TRHDE: variants seen among roughly 807,000 people sequenced by gnomAD.
TRHDE encodes the protein thyrotropin-releasing hormone-degrading ectoenzyme.
A neutral mutation model predicts 125.7 loss-of-function variants in TRHDE; 72 were observed. That is an observed-to-expected ratio of 0.57 (90% confidence interval 0.47 to 0.70). The LOEUF (loss-of-function observed/expected upper bound fraction) is 0.70, where lower values mean the gene tolerates loss of function less well. Ranked by LOEUF, TRHDE falls within the 30% of genes least tolerant of loss-of-function variation. The pLI is 0.00. For missense variants in TRHDE, 1,110 were observed against 1,327.1 expected (o/e 0.84, Z 2.54); for synonymous variants, 509 against 509.1 (o/e 1.00, Z 0.00).
intron 12 of TRHDE, among the ~76,000 whole-genome samples, chr12:72,585,849 C>T (rs1871417205): frequency 6.6e-6 from 1 of 152,096 alleles, no homozygotes; most frequent in Admixed American, 6.5e-5. Flanking sequence ...AATAAAAATC[C>T]TCTTATTCTT....
intron 3 of TRHDE, among the ~76,000 whole-genome samples, chr12:72,440,324 C>T (rs1419306007): frequency 1.3e-5 from 2 of 151,774 alleles, no homozygotes; most frequent in Non-Finnish European, 2.9e-5. Context: ...TTTCTTTAAA[C>T]ATTTTACATA....
intron 17 of TRHDE, among the ~76,000 whole-genome samples, chr12:72,655,894 T>C (rs1874690903): frequency 1.3e-5 from 2 of 152,166 alleles, no homozygotes; most frequent in African/African-American, 4.8e-5. Context: ...AATGTCAGAA[T>C]TACAACAAAT....
rs923989091 is a variant in TRHDE at position 72,491,378 on chromosome 12, T to A, written c.1585-8120T>A. On this transcript the variant is annotated intron_variant, in intron 5 of 18. Transcript: ENST00000261180. ...TGTTCCACAAGACCCAGGATTATCA[T>A]AATTAATGAAAATGTGAGTGACTGA... Among the ~76,000 whole-genome samples the A allele has an allele frequency of 6.1e-4, 93 of 152,032 alleles. 1 individual carries two copies. Among genetic ancestry groups the A allele is most frequent in the African/African-American group, 2.1e-3 (89 of 41,542 alleles).
chr12:72,153,194 A>G (rs1026444453), intron 2 of TRHDE, among the ~76,000 whole-genome samples: 7 of 152,212 alleles, frequency 4.6e-5, no homozygotes, highest in Admixed American at 2.6e-4. Context: ...AGAGGTGTTT[A>G]TAGTATTCTC....
intron 5 of TRHDE, among the ~76,000 whole-genome samples, chr12:72,494,120 A>G (rs971761526): frequency 1.3e-5 from 2 of 151,982 alleles, no homozygotes; most frequent in African/African-American, 2.4e-5. Flanking sequence ...AATTTTTACA[A>G]CCACATATGT....
chr12:72,409,488 T>C lies in TRHDE; in HGVS notation c.1315+31367T>C, dbSNP rs550349083. Among the ~76,000 whole-genome samples the C allele has an allele frequency of 2.6e-5, 4 of 152,268 alleles. No homozygotes were observed. The East Asian group carries it at 5.8e-4, about 22-fold the overall frequency. On this transcript the variant is annotated intron_variant, in intron 3 of 18. Coordinates refer to ENST00000261180, the MANE Select transcript of TRHDE (RefSeq NM_013381.3). The stretch of plus-strand genomic sequence containing the variant: ...TTGACCATATCACTTTATCAGACAA[T>C]GCAATGTATGTGGAAGTGACAAGCA...
chr12:72,154,485 A>C (rs1218912633), intron 2 of TRHDE, among the ~76,000 whole-genome samples: 1 of 152,196 alleles, frequency 6.6e-6, no homozygotes, highest in Non-Finnish European at 1.5e-5. Context: ...GTTTCTTCCT[A>C]GCCTCGATGG....
chr12:72,273,631 C>T lies in TRHDE; in HGVS notation c.914+74C>T. ...CGAACCTCTGGGCGGCCTGCGACCCCGGGGACCCAGCTGGCTTCCAATACC... is the reference window on the plus strand; with the variant it reads ...CGAACCTCTGGGCGGCCTGCGACCCTGGGGACCCAGCTGGCTTCCAATACC... On this transcript the variant is annotated intron_variant, in intron 1 of 18. Coordinates refer to ENST00000261180, the MANE Select transcript of TRHDE (RefSeq NM_013381.3). The surrounding 1 kb of genome is among the most constrained non-coding windows in gnomAD (Gnocchi z 5.3). The T allele has an allele frequency of 7.0e-7, 1 of 1,423,920 alleles. No individual in the cohort carries two copies. The highest frequency in any genetic ancestry group is 9.5e-7 in the Non-Finnish European group (1 of 1,058,090). 88.2% of individuals were successfully genotyped at this position (1,423,920 alleles called of 1,614,324 possible).
intron 6 of TRHDE, among the ~76,000 whole-genome samples, chr12:72,509,654 C>T (rs1268201544): frequency 6.6e-6 from 1 of 152,174 alleles, no homozygotes; most frequent in African/African-American, 2.4e-5. Flanking sequence ...CTTTTTCCCA[C>T]TCATTTTTCT....
intron 2 of TRHDE, among the ~76,000 whole-genome samples, chr12:72,107,070 C>T (rs1875205114): frequency 6.6e-6 from 1 of 152,092 alleles, no homozygotes; most frequent in Non-Finnish European, 1.5e-5. Context: ...ATTCCCTACT[C>T]ATATTCTAAG....
chr12:72,287,712 T>G (rs1387950655), intron 2 of TRHDE, among the ~76,000 whole-genome samples: 1 of 152,084 alleles, frequency 6.6e-6, no homozygotes, highest in African/African-American at 2.4e-5. Flanking sequence ...AAGGATGAGA[T>G]AGAGGGAGCA....
chr12:72,119,891 T>C lies in TRHDE; in HGVS notation n.279+14139T>C, dbSNP rs532035526. Among the ~76,000 whole-genome samples, 210 of 152,310 alleles carry C rather than the reference T, an allele frequency of 1.4e-3. 1 individual carries two copies. Among genetic ancestry groups the C allele is most frequent in the African/African-American group, 4.6e-3 (192 of 41,572 alleles). ...TGTCATGGAATATGTTTTTCCATCC[T>C]TTTATTTTCAGTTTATGTGTGTCTT... On this transcript the variant is annotated intron_variant and non_coding_transcript_variant, in intron 2 of 4. Coordinates refer to the TRHDE transcript ENST00000548156.
chr12:72,232,440 T>A (rs1228245756), intron 2 of TRHDE, among the ~76,000 whole-genome samples: 1 of 151,940 alleles, frequency 6.6e-6, no homozygotes, highest in Non-Finnish European at 1.5e-5. Context: ...GTTTGGTGAG[T>A]TTGTGTGTAA....
intron 3 of TRHDE, among the ~76,000 whole-genome samples, chr12:72,408,758 C>G (rs1405842369): frequency 6.6e-6 from 1 of 152,082 alleles, no homozygotes. Flanking sequence ...AAAGTAAAAA[C>G]TCAATAGATG....
At chr12:72,521,343 C>T (rs562302118) in intron 6 of TRHDE, among the ~76,000 whole-genome samples, 3 of 152,240 alleles carry the variant, frequency 2.0e-5, no homozygotes, top group Admixed American at 1.3e-4. Context: ...CCTGGCTTAC[C>T]CTCTGAATTT....
In TRHDE at chr12:72,554,050, G is replaced by A. The variant is rs368729422; in HGVS notation, c.1789-8115G>A. Among the ~76,000 whole-genome samples, 9 of 151,912 alleles carry A rather than the reference G, an allele frequency of 5.9e-5. 1 individual carries two copies. The highest frequency in any genetic ancestry group is 3.9e-4 in the East Asian group (2 of 5,134). Reference sequence around the variant, plus strand: ...TTTAGTAGAGATGGGGTTTCACCACGTTGGCCAGGCTGGTCTCGAACTCCT... The same window carrying A: ...TTTAGTAGAGATGGGGTTTCACCACATTGGCCAGGCTGGTCTCGAACTCCT... On this transcript the variant is annotated intron_variant, in intron 7 of 18. Transcript: ENST00000261180.
At chr12:72,453,524 G>A (rs1268722166) in intron 3 of TRHDE, among the ~76,000 whole-genome samples, 2 of 152,180 alleles carry the variant, frequency 1.3e-5, no homozygotes, top group African/African-American at 4.8e-5. Context: ...GAAAAGAAAA[G>A]CCCATTTTCA....
chr12:72,400,234 C>T (rs1225558211), intron 3 of TRHDE, among the ~76,000 whole-genome samples: 1 of 152,086 alleles, frequency 6.6e-6, no homozygotes, highest in Non-Finnish European at 1.5e-5. Flanking sequence ...TAGGACACTA[C>T]AGCAGAAGGT....
At chr12:72,323,830 G>GATAT (rs1869213512) in intron 2 of TRHDE, among the ~76,000 whole-genome samples, 1 of 151,858 alleles carries the variant, frequency 6.6e-6, no homozygotes, top group South Asian at 2.1e-4. Flanking sequence ...TGGAGCGAGA[G>GATAT]AGAAAGAGAG....
Sources: allele counts gnomAD v4.1 joint callset (sites outside exome capture counted in the v4.1 genomes callset), GRCh38; gene constraint gnomAD v4.1.1; non-coding constraint Gnocchi (gnomAD v3.1); transcripts MANE v1.5; gene names NCBI Gene and HGNC (gene_info 2026-07-23, HGNC 2026-07-21).